NRCAM: variants seen among roughly 807,000 people sequenced by gnomAD.
NRCAM encodes neuronal cell adhesion molecule.
A neutral mutation model predicts 156.5 loss-of-function variants in NRCAM; 83 were observed. The ratio of observed to expected loss-of-function variants is 0.53; its 90% CI spans 0.44 to 0.64. The LOEUF is 0.64. Among genes scored for constraint, NRCAM ranks in the 30% least tolerant of loss-of-function variants. NRCAM has a pLI of 0.00. For missense variants in NRCAM, 1,417 were observed against 1,597.3 expected, an observed-to-expected ratio of 0.89 and a Z score of 1.92; for synonymous variants, 538 against 563.9, an observed-to-expected ratio of 0.95 and a Z score of 0.65.
At chr7:108,212,135 A>G (rs992986981) in intron 11 of NRCAM, among the ~76,000 whole-genome samples, 1 of 152,238 alleles carries the variant, frequency 6.6e-6, no homozygotes, top group Non-Finnish European at 1.5e-5. Context: ...CTAGACCCAG[A>G]AGAGAGATAA....
At chr7:108,295,519 TCCCCGGGG>T (rs1334241909) in intron 3 of NRCAM, among the ~76,000 whole-genome samples, 1 of 152,148 alleles carries the variant, frequency 6.6e-6, no homozygotes, top group Admixed American at 6.6e-5. Flanking sequence ...GCAAGACAGC[TCCCCGGGG>T]CCTCTTCCTA....
chr7:108,278,451 A>G (rs920220846), intron 3 of NRCAM, among the ~76,000 whole-genome samples: 3 of 152,150 alleles, frequency 2.0e-5, no homozygotes, highest in Non-Finnish European at 2.9e-5. Context: ...CCAGCTACTC[A>G]AGCCTCAGCA....
intron 2 of NRCAM, among the ~76,000 whole-genome samples, chr7:108,365,208 G>A (rs1194021858): frequency 2.6e-5 from 4 of 152,014 alleles, no homozygotes; most frequent in Admixed American, 1.3e-4. Context: ...CAAGAGGTAG[G>A]TGTTATTACC....
At chr7:108,150,437 G>C (rs2040632997) in intron 32 of NRCAM, among the ~76,000 whole-genome samples, 1 of 152,086 alleles carries the variant, frequency 6.6e-6, no homozygotes. Context: ...ATAATCACAA[G>C]CATTAAATAA....
intron 2 of NRCAM, among the ~76,000 whole-genome samples, chr7:108,393,430 G>C (rs2099767576): frequency 6.6e-6 from 1 of 152,124 alleles, no homozygotes; most frequent in African/African-American, 2.4e-5. Flanking sequence ...AAGACCTTTG[G>C]AAAAGCGTAG....
intron 2 of NRCAM, among the ~76,000 whole-genome samples, chr7:108,377,120 C>G (rs559372334): frequency 6.6e-6 from 1 of 152,104 alleles, no homozygotes; most frequent in Non-Finnish European, 1.5e-5. Flanking sequence ...GCCATGATCA[C>G]GCTATTGCAC....
chr7:108,398,929 G>A (rs1185690590), intron 2 of NRCAM, among the ~76,000 whole-genome samples: 1 of 152,176 alleles, frequency 6.6e-6, no homozygotes. Flanking sequence ...AAATATATTG[G>A]TGGGTATGAG....
chr7:108,341,928 C>T (rs530853692), intron 2 of NRCAM, among the ~76,000 whole-genome samples: 96 of 152,172 alleles, frequency 6.3e-4, no homozygotes, highest in Non-Finnish European at 1.2e-3. Flanking sequence ...ACTCTGCTTT[C>T]CCAAATACCA....
rs747391115 is a variant in NRCAM, at chr7:108,195,766, G to C, written c.1458C>G (p.Ile486Met). ...CAFFGSPLPT[I>M]EWFKGAKGSA... ...CACACAGAGCTGCTACTTACCACTC[G>C]ATGGTTGGGAGAGGAGACCCAAAGA... The change falls in exon 15 of 33, where the codon ATC becomes ATG. Residue 486 changes from isoleucine (I) to methionine (M), a missense_variant. Coordinates refer to ENST00000379028, the MANE Select transcript of NRCAM (RefSeq NM_001037132.4). 1.3e-6 allele frequency: 2 copies of C among 1,568,872 alleles called. No individual in the cohort carries two copies. The highest frequency in any genetic ancestry group is 1.4e-5 in the African/African-American group (1 of 74,002).
chr7:108,232,432 G>A lies in NRCAM; in HGVS notation c.321C>T (p.Asn107=), dbSNP rs773545203. The A allele has an allele frequency of 3.1e-6, 5 of 1,612,558 alleles. No homozygotes were observed. The highest frequency in any genetic ancestry group is 2.2e-5 in the South Asian group (2 of 91,034). The change falls in exon 7 of 33, where the codon AAC becomes AAT. Residue 107 remains asparagine (N), a synonymous_variant. Transcript: ENST00000379028. ...TCTCAGCTTTCCCTTCGCTCATGAT[G>A]TTAATTATGAGCGTTCCTGTGCCAG... ...MKPGTGTLII[N]IMSEGKAETY...
At chr7:108,245,195 G>A (rs1009636874) in intron 3 of NRCAM, among the ~76,000 whole-genome samples, 4 of 152,046 alleles carry the variant, frequency 2.6e-5, no homozygotes, top group Admixed American at 6.6e-5. Context: ...CTCCAGTTCC[G>A]GAAGGTTCTG....
At chr7:108,346,162 G>A (rs1273210657) in intron 2 of NRCAM, among the ~76,000 whole-genome samples, 1 of 152,196 alleles carries the variant, frequency 6.6e-6, no homozygotes, top group African/African-American at 2.4e-5. Flanking sequence ...ATTTACTTAA[G>A]AGGCAGTGTC....
At chr7:108,351,825 C>A (rs1319713870) in intron 2 of NRCAM, among the ~76,000 whole-genome samples, 2 of 150,376 alleles carry the variant, frequency 1.3e-5, no homozygotes, top group Admixed American at 6.6e-5. Flanking sequence ...ACACATTTAA[C>A]AAAAGAAAAT....
chr7:108,364,049 A>T (rs1383040152), intron 2 of NRCAM, among the ~76,000 whole-genome samples: 1 of 152,214 alleles, frequency 6.6e-6, no homozygotes. Flanking sequence ...TGATTCATTA[A>T]TTATAACAAA....
chr7:108,224,155 T>A (rs971056642), intron 10 of NRCAM, among the ~76,000 whole-genome samples: 1 of 152,144 alleles, frequency 6.6e-6, no homozygotes, highest in Non-Finnish European at 1.5e-5. Flanking sequence ...TATGTTGACA[T>A]GGAGAGGAAA....
At chr7:108,344,736 G>C (rs905055335) in intron 2 of NRCAM, among the ~76,000 whole-genome samples, 2 of 151,996 alleles carry the variant, frequency 1.3e-5, no homozygotes, top group African/African-American at 4.8e-5. Context: ...GGAGCTATTG[G>C]GTATAGATAG....
chr7:108,312,738 G>T lies in NRCAM; in HGVS notation c.-173-7C>A, dbSNP rs2098819396. 1 of 152,060 alleles carries T rather than the reference G, an allele frequency of 6.6e-6. No homozygotes were observed. Among genetic ancestry groups the T allele is most frequent in the African/African-American group, 2.4e-5 (1 of 41,418 alleles). The allele number at this position is 152,060 out of a possible 1,614,324, so 9.4% of individuals were successfully genotyped here. A position where few individuals can be genotyped will look rare whatever the true frequency, so the allele number is the denominator to read the frequency against. ...ACGTCTTCTTAGCATTGCTCTGTGGGTTAAAAAATGGGAGAAACGTTAACA... is the reference window on the plus strand; with the variant it reads ...ACGTCTTCTTAGCATTGCTCTGTGGTTTAAAAAATGGGAGAAACGTTAACA... On this transcript the variant is annotated splice_region_variant and splice_polypyrimidine_tract_variant and intron_variant, in intron 2 of 32. Transcript: ENST00000379028.
intron 2 of NRCAM, among the ~76,000 whole-genome samples, chr7:108,345,771 G>A (rs545525505): frequency 5.9e-5 from 9 of 152,182 alleles, no homozygotes; most frequent in Non-Finnish European, 1.3e-4. Flanking sequence ...TGAGAAATAA[G>A]TTTCTATTGT....
chr7:108,407,216 A>G (rs1270483197), intron 1 of NRCAM, among the ~76,000 whole-genome samples: 1 of 152,256 alleles, frequency 6.6e-6, no homozygotes, highest in Non-Finnish European at 1.5e-5. Context: ...ACCATACACC[A>G]TGAACATTTC....
Sources: gnomAD v4.1 joint callset for allele counts (sites outside exome capture counted in the v4.1 genomes callset) on GRCh38, gnomAD v4.1.1 for gene constraint, MANE v1.5 for transcripts, NCBI Gene and HGNC (gene_info 2026-07-23, HGNC 2026-07-21) for gene names.